NDNF: variants seen among roughly 807,000 people sequenced by gnomAD.
NDNF encodes protein NDNF.
In NDNF, 16 loss-of-function variants were observed where a neutral mutation model predicts 42.0. The ratio of observed to expected loss-of-function variants is 0.38; its 90% CI spans 0.26 to 0.58. The LOEUF (loss-of-function observed/expected upper bound fraction) is 0.58. NDNF is among the 20% of genes least tolerant of loss of function. The probability of loss-of-function intolerance (pLI) is 0.67; values close to 1 mark genes in which losing one functional copy is unlikely to be tolerated. For synonymous variants in NDNF, 248 were observed against 251.7 expected (o/e 0.99, Z 0.14); for missense variants, 616 against 666.2 (o/e 0.92, Z 0.83).
chr4:121,054,671 C>T (rs144716115), intron 1 of NDNF, among the ~76,000 whole-genome samples: 1 of 152,326 alleles, frequency 6.6e-6, no homozygotes, highest in Non-Finnish European at 1.5e-5. Flanking sequence ...GGTGCAAAGG[C>T]ACCAAGGTTG....
At position 121,045,793 on chromosome 4, in the gene NDNF, G is replaced by A; in HGVS notation, c.45C>T (p.Leu15=). Residue 15 remains leucine, a synonymous_variant, in exon 2 of 4, where the codon CTC becomes CTT. Transcript: ENST00000379692. ...TGGGTAACTTCTGGGTCCTTGAGCT[G>A]AGTGGAAACAGGAGCCACAGCAGGC... ...HWCLLWLLFP[L]SSRTQKLPTR... is the part of the protein sequence containing the mutation. 6.2e-7 allele frequency: 1 copy of A among 1,614,156 alleles called. No homozygotes were observed. Among genetic ancestry groups the A allele is most frequent in the South Asian group, 1.1e-5 (1 of 91,078 alleles).
intron 1 of NDNF, among the ~76,000 whole-genome samples, chr4:121,046,328 A>C (rs1727091614): frequency 6.6e-6 from 1 of 152,234 alleles, no homozygotes; most frequent in South Asian, 2.1e-4. Context: ...TAAATCACAG[A>C]GACTCATTGA....
intron 1 of NDNF, among the ~76,000 whole-genome samples, chr4:121,062,524 C>T (rs1223327214): frequency 6.6e-6 from 1 of 152,150 alleles, no homozygotes; most frequent in African/African-American, 2.4e-5. Flanking sequence ...ATCCCACAGT[C>T]ATTTTCAATA....
intron 1 of NDNF, among the ~76,000 whole-genome samples, chr4:121,054,943 C>T (rs1485971216): frequency 6.6e-6 from 1 of 152,144 alleles, no homozygotes; most frequent in Non-Finnish European, 1.5e-5. Flanking sequence ...GATCCTTCCG[C>T]CTCAGCCTTC....
chr4:121,037,553 T>C lies in NDNF; in HGVS notation c.418A>G (p.Ser140Gly), dbSNP rs778418092. The C allele has an allele frequency of 6.2e-6, 10 of 1,613,854 alleles. No individual in the cohort carries two copies. Among genetic ancestry groups the C allele is most frequent in the Admixed American group, 1.7e-5 (1 of 59,980 alleles). ...AACTGATATAAACCGGATGGGGAAC[T>C]AGACGATATAAAATACTCAACATCA... Reference protein sequence around the residue: ...GNDVEYFISSSSPSGLYQLDL... With the variant: ...GNDVEYFISSGSPSGLYQLDL... The change falls in exon 4 of 4, where the codon AGT becomes GGT. Residue 140 changes from serine (S) to glycine (G), a missense_variant. Transcript: ENST00000379692.
At chr4:121,068,772 A>G (rs886200537) in intron 1 of NDNF, among the ~76,000 whole-genome samples, 4 of 152,188 alleles carry the variant, frequency 2.6e-5, no homozygotes, top group African/African-American at 9.7e-5. Context: ...TATCATGGAG[A>G]AACTAAGGAA....
chr4:121,038,659 A>G (rs1014718772), intron 3 of NDNF, among the ~76,000 whole-genome samples: 2 of 152,078 alleles, frequency 1.3e-5, no homozygotes, highest in Non-Finnish European at 2.9e-5. Context: ...TTCCTAAACT[A>G]TGGGATAAAC....
intron 1 of NDNF, among the ~76,000 whole-genome samples, chr4:121,057,599 G>A (rs2148769617): frequency 6.6e-6 from 1 of 152,288 alleles, no homozygotes; most frequent in African/African-American, 2.4e-5. Context: ...ACGGATTAGA[G>A]GCTCTCCGGC....
In NDNF at chr4:121,037,467, T is replaced by C; in HGVS notation, c.504A>G (p.Glu168=). The C allele has an allele frequency of 1.2e-6, 2 of 1,614,170 alleles. No homozygotes were observed. Among genetic ancestry groups the C allele is most frequent in the South Asian group, 1.1e-5 (1 of 91,080 alleles). Residue 168 remains glutamate, a synonymous_variant, in exon 4 of 4, where the codon GAA becomes GAG. Transcript: ENST00000379692. ...GTAACTCAGGGTATGGCTGATCAGA[T>C]TCTGGAGTTGTGGTGGCATATACTT... The part of the protein sequence containing the change: ...HFKVYATTTP[E]SDQPYPELPY...
At chr4:121,070,968 C>T (rs1354619798) in intron 1 of NDNF, among the ~76,000 whole-genome samples, 2 of 152,248 alleles carry the variant, frequency 1.3e-5, no homozygotes, top group East Asian at 3.9e-4. Flanking sequence ...GGGGAACTGC[C>T]GGGAGCTCTC....
At chr4:121,070,334 T>C (rs1727568713) in intron 1 of NDNF, among the ~76,000 whole-genome samples, 1 of 152,158 alleles carries the variant, frequency 6.6e-6, no homozygotes, top group African/African-American at 2.4e-5. Flanking sequence ...TTCAATCCCA[T>C]CAAATCCCCT....
chr4:121,067,299 T>C (rs1326892952), intron 1 of NDNF, among the ~76,000 whole-genome samples: 1 of 152,194 alleles, frequency 6.6e-6, no homozygotes, highest in Admixed American at 6.5e-5. Context: ...AGCCACATTT[T>C]TTTAAAGAAA....
intron 2 of NDNF, among the ~76,000 whole-genome samples, chr4:121,042,057 G>A (rs1162300327): frequency 1.3e-5 from 2 of 152,040 alleles, no homozygotes; most frequent in Admixed American, 6.5e-5. Flanking sequence ...TTCTCAGAAC[G>A]TCCTATACTT....
chr4:121,039,192 G>GTATATATATA (rs57613027), intron 3 of NDNF, among the ~76,000 whole-genome samples: 3 of 21,544 alleles, frequency 1.4e-4, no homozygotes, highest in East Asian at 2.2e-3. Context: ...GTGTGTGTGT[G>GTATATATATA]TATATATATA....
At chr4:121,047,987 G>A (rs1010662930) in intron 1 of NDNF, among the ~76,000 whole-genome samples, 5 of 152,226 alleles carry the variant, frequency 3.3e-5, no homozygotes, top group African/African-American at 1.2e-4. Context: ...AACCAAGCAA[G>A]GACATGGTGG....
Position 121,037,319 on chromosome 4 carries a change from C to G in NDNF, c.652G>C (p.Glu218Gln). 1 of 1,614,096 alleles carries G rather than the reference C, an allele frequency of 6.2e-7. No individual in the cohort carries two copies. Among genetic ancestry groups the G allele is most frequent in the Non-Finnish European group, 8.5e-7 (1 of 1,180,008 alleles). ...PIQYCVVINK[E>Q]HNFKSLCAVE... ...GCACAGAGACTTTTGAAATTGTGCT[C>G]TTTGTTGATGACCACACAGTACTGA... is the stretch of plus-strand genomic sequence containing the variant. The change falls in exon 4 of 4, where the codon GAG (glutamate) becomes CAG (glutamine). Residue 218 changes from glutamate to glutamine, a missense_variant. Physicochemically the swap from Glu to Gln is conservative, Grantham distance 29. Coordinates refer to ENST00000379692, the MANE Select transcript of NDNF (RefSeq NM_024574.4).
intron 1 of NDNF, among the ~76,000 whole-genome samples, chr4:121,057,235 G>C (rs1255137763): frequency 1.3e-5 from 2 of 152,198 alleles, no homozygotes; most frequent in Admixed American, 1.3e-4. Context: ...TCTAGGCTAA[G>C]TAGTCAAGAA....
chr4:121,037,825 C>T, intron 3 of NDNF, 168 bp from the exon 4 acceptor site: 1 of 528,954 alleles, frequency 1.9e-6, no homozygotes, highest in Non-Finnish European at 3.3e-6. Flanking sequence ...GACCATTATA[C>T]ATAATGTTCT....
intron 2 of NDNF, among the ~76,000 whole-genome samples, chr4:121,044,808 T>C (rs546070080): frequency 6.6e-6 from 1 of 151,968 alleles, no homozygotes; most frequent in African/African-American, 2.4e-5. Flanking sequence ...CTACTACAAA[T>C]TTTAAAAATT....
Sources: allele counts gnomAD v4.1 joint callset (sites outside exome capture counted in the v4.1 genomes callset), GRCh38; gene constraint gnomAD v4.1.1; transcripts MANE v1.5; gene names NCBI Gene and HGNC (gene_info 2026-07-23, HGNC 2026-07-21).